Variants in VEPH1 observed in about 807,000 individuals in gnomAD.
VEPH1 encodes the protein ventricular zone expressed PH domain containing 1, also known as ventricular zone-expressed PH domain-containing protein homolog 1.
Under a neutral mutation model 85.2 loss-of-function variants are expected in VEPH1, and 80 were observed. That is an observed-to-expected ratio of 0.94 (90% CI 0.78 to 1.13). The LOEUF is 1.13. Ranked by LOEUF, VEPH1 falls within the 50% of genes most tolerant of loss-of-function variation. The pLI, the probability that VEPH1 is intolerant of heterozygous loss-of-function variation, is 0.00. For missense variants in VEPH1, 955 were observed against 980.5 expected, an observed-to-expected ratio of 0.97 and a Z score of 0.35; for synonymous variants, 297 against 348.0, an observed-to-expected ratio of 0.85 and a Z score of 1.63.
intron 9 of VEPH1, among the ~76,000 whole-genome samples, chr3:157,356,668 G>A (rs1389229104): frequency 6.6e-6 from 1 of 152,078 alleles, no homozygotes. Flanking sequence ...CACCAACAGA[G>A]CTAAAAAATA....
intron 3 of VEPH1, among the ~76,000 whole-genome samples, chr3:157,468,545 A>C (rs905480422): frequency 6.6e-6 from 1 of 152,202 alleles, no homozygotes; most frequent in Non-Finnish European, 1.5e-5. Flanking sequence ...ACTGCACTCC[A>C]GCCTGGGCGA....
intron 12 of VEPH1, among the ~76,000 whole-genome samples, chr3:157,274,306 C>T (rs558208140): frequency 1.6e-4 from 25 of 152,314 alleles, no homozygotes; most frequent in Admixed American, 3.9e-4. Context: ...ATCATCTTTT[C>T]ACTGTGATGA....
At chr3:157,412,794 A>G (rs1322737331) in intron 6 of VEPH1, among the ~76,000 whole-genome samples, 2 of 152,166 alleles carry the variant, frequency 1.3e-5, no homozygotes, top group African/African-American at 4.8e-5. Context: ...AAGCTAGAGG[A>G]GAAAGAGCCT....
intron 4 of VEPH1, among the ~76,000 whole-genome samples, chr3:157,435,089 A>G (rs1450230162): frequency 1.3e-5 from 2 of 150,744 alleles, no homozygotes; most frequent in African/African-American, 2.4e-5. Flanking sequence ...TTAATTCTAG[A>G]AGTTTTATTT....
intron 8 of VEPH1, 86 bp downstream of exon 8, chr3:157,364,217 T>TA: frequency 9.3e-7 from 1 of 1,070,122 alleles, no homozygotes; most frequent in South Asian, 1.6e-5. Context: ...AAAAGATATA[T>TA]AAAAAACACC....
intron 3 of VEPH1, among the ~76,000 whole-genome samples, chr3:157,461,078 G>T (rs2109368290): frequency 6.6e-6 from 1 of 151,706 alleles, no homozygotes; most frequent in East Asian, 1.9e-4. Context: ...ATTAGATTCA[G>T]AGGAAAAAAA....
intron 4 of VEPH1, among the ~76,000 whole-genome samples, chr3:157,447,072 G>T (rs1439149550): frequency 6.6e-6 from 1 of 152,172 alleles, no homozygotes; most frequent in East Asian, 1.9e-4. Flanking sequence ...TTTCCAAGTT[G>T]TTTTCAGTGG....
intron 9 of VEPH1, among the ~76,000 whole-genome samples, chr3:157,340,519 C>T (rs1034233252): frequency 3.9e-5 from 6 of 152,110 alleles, no homozygotes; most frequent in South Asian, 2.1e-4. Context: ...GTAAACAAAG[C>T]GGCCAGGAAG....
chr3:157,437,755 C>T (rs984026408), intron 4 of VEPH1: 2 of 1,489,216 alleles, frequency 1.3e-6, no homozygotes, highest in East Asian at 2.8e-5. Flanking sequence ...GCAGGCGACC[C>T]GCGACGCGGG....
intron 4 of VEPH1, among the ~76,000 whole-genome samples, chr3:157,445,453 C>T (rs1734470612): frequency 6.6e-6 from 1 of 152,052 alleles, no homozygotes; most frequent in Admixed American, 6.6e-5. Flanking sequence ...AAACCCGTTT[C>T]TACTAAAAAT....
intron 8 of VEPH1, 58 bp downstream of exon 8, chr3:157,364,245 C>G: frequency 7.3e-7 from 1 of 1,373,762 alleles, no homozygotes; most frequent in Non-Finnish European, 1.0e-6. Context: ...AGAGTGATAA[C>G]AAAGCTAATA....
chr3:157,286,683 G>A lies in VEPH1; in HGVS notation c.2011-9C>T, dbSNP rs375981655. On this transcript the variant is annotated splice_polypyrimidine_tract_variant and intron_variant, in intron 11 of 13. Transcript: ENST00000362010. ...TGTACCTGGTCCAGATCCTGTGTCA[G>A]GAACACAAAGCACAAAGAACATAAG... is the stretch of plus-strand genomic sequence containing the variant. 21 of 1,608,968 alleles carry A rather than the reference G, an allele frequency of 1.3e-5. No homozygotes were observed. In the African/African-American group the frequency reaches 2.7e-4, roughly 20 times the overall value.
chr3:157,349,031 C>G (rs1412501927), intron 9 of VEPH1, among the ~76,000 whole-genome samples: 3 of 152,198 alleles, frequency 2.0e-5, no homozygotes, highest in African/African-American at 7.2e-5. Flanking sequence ...GATACCAAAA[C>G]CAGACAAGGA....
At chr3:157,397,179 A>C (rs1353366579) in intron 6 of VEPH1, among the ~76,000 whole-genome samples, 1 of 152,148 alleles carries the variant, frequency 6.6e-6, no homozygotes, top group Non-Finnish European at 1.5e-5. Context: ...CCATTTATTA[A>C]ATAGGGAATC....
At chr3:157,300,530 TA>T (rs367898907) in intron 11 of VEPH1, among the ~76,000 whole-genome samples, 5 of 152,294 alleles carry the variant, frequency 3.3e-5, no homozygotes, top group African/African-American at 1.2e-4. Context: ...TTAAATTTGT[TA>T]AAAAAGCATA....
intron 4 of VEPH1, among the ~76,000 whole-genome samples, chr3:157,430,645 G>A (rs1277511376): frequency 1.3e-5 from 2 of 152,220 alleles, no homozygotes; most frequent in Admixed American, 1.3e-4. Flanking sequence ...TCAACAGGTT[G>A]GAGGTAGGGT....
chr3:157,470,200 CT>C, intron 3 of VEPH1, 113 bp downstream of exon 3: 1 of 971,480 alleles, frequency 1.0e-6, no homozygotes, highest in Non-Finnish European at 1.5e-6. Context: ...CTTGTAGTGT[CT>C]TTTTACAGTA....
Position 157,379,036 on chromosome 3 carries a change from TG to T in VEPH1, c.1127+2119del, listed in dbSNP as rs1728468822. 3.9e-5 allele frequency among the ~76,000 whole-genome samples: 6 copies of T among 152,352 alleles called. No individual in the cohort carries two copies. The South Asian group carries it at 1.2e-3, about 32-fold the overall frequency. On this transcript the variant is annotated intron_variant, in intron 7 of 13. Coordinates refer to ENST00000362010, the MANE Select transcript of VEPH1 (RefSeq NM_001167912.2). ...AATGCTTCATGATGTTAGTTACTCG[TG>T]ATTTACTTATTCATTTGGTGAAAAT...
At position 157,363,513 on chromosome 3, in the gene VEPH1, G is replaced by A. The variant is rs184952229; in HGVS notation, c.1586C>T (p.Ser529Phe). ...ENLSETVKEN[S>F]QEETPETTAS... ...AGTTGTCTCTGGAGTTTCTTCCTGG[G>A]AGTTTTCTTTAACAGTTTCTGACAA... The change falls in exon 9 of 14, where the codon TCC (serine) becomes TTC (phenylalanine). Residue 529 changes from serine (S) to phenylalanine (F), a missense_variant. Transcript: ENST00000362010. The A allele has an allele frequency of 1.1e-5, 18 of 1,613,924 alleles. No individual in the cohort carries two copies. Among genetic ancestry groups the A allele is most frequent in the Non-Finnish European group, 1.5e-5 (18 of 1,180,002 alleles).
Sources: allele counts gnomAD v4.1 joint callset (sites outside exome capture counted in the v4.1 genomes callset), GRCh38; gene constraint gnomAD v4.1.1; transcripts MANE v1.5; gene names NCBI Gene and HGNC (gene_info 2026-07-23, HGNC 2026-07-21).